The following ELAVL2 variants were observed in gnomAD, a reference collection of about 807,000 sequenced individuals.
ELAVL2 encodes ELAV-like protein 2.
In ELAVL2, 4 loss-of-function variants were observed where a neutral mutation model predicts 34.6. That is an observed-to-expected ratio of 0.12 (90% CI 0.06 to 0.26). The LOEUF (loss-of-function observed/expected upper bound fraction) is 0.26. ELAVL2 is among the 10% of genes least tolerant of loss of function. ELAVL2 has a pLI of 1.00. For missense variants in ELAVL2, 432 were observed against 442.8 expected, an observed-to-expected ratio of 0.98 and a Z score of 0.22; for synonymous variants, 193 against 154.8, an observed-to-expected ratio of 1.25 and a Z score of -1.83.
intron 1 of ELAVL2, among the ~76,000 whole-genome samples, chr9:23,763,278 T>G (rs1283310727): frequency 1.3e-5 from 2 of 152,066 alleles, no homozygotes; most frequent in Admixed American, 1.3e-4. Flanking sequence ...AATCACTTAT[T>G]AAGCAGTATT....
chr9:23,711,489 C>G (rs923403731), intron 3 of ELAVL2, among the ~76,000 whole-genome samples: 1 of 152,170 alleles, frequency 6.6e-6, no homozygotes, highest in African/African-American at 2.4e-5. Context: ...CTCTTCCATA[C>G]AAGTATACAA....
chr9:23,741,667 A>C (rs2049226072), intron 2 of ELAVL2, among the ~76,000 whole-genome samples: 2 of 152,094 alleles, frequency 1.3e-5, no homozygotes, highest in South Asian at 4.1e-4. Context: ...TAATTAGTCC[A>C]CCACCACTGA....
chr9:23,828,240 T>G (rs1009895172), upstream of ELAVL2, among the ~76,000 whole-genome samples: 1 of 152,214 alleles, frequency 6.6e-6, no homozygotes, highest in Non-Finnish European at 1.5e-5. Context: ...TAATACTGTT[T>G]GATTTCATCA....
chr9:23,766,271 A>C (rs1336136846), intron 1 of ELAVL2, among the ~76,000 whole-genome samples: 1 of 152,140 alleles, frequency 6.6e-6, no homozygotes, highest in African/African-American at 2.4e-5. Context: ...CACTGTAACA[A>C]GAGATTTTGG....
intron 1 of ELAVL2, among the ~76,000 whole-genome samples, chr9:23,810,082 T>C (rs573280288): frequency 3.9e-5 from 6 of 152,302 alleles, no homozygotes; most frequent in African/African-American, 1.2e-4. Context: ...ACAGATTATC[T>C]ACTACAATGA....
chr9:23,762,664 C>G (rs1001462597), intron 1 of ELAVL2, among the ~76,000 whole-genome samples: 1 of 151,988 alleles, frequency 6.6e-6, no homozygotes, highest in African/African-American at 2.4e-5. Context: ...AAATGACCTA[C>G]CTAACTCTGA....
At chr9:23,742,022 C>A (rs1453183535) in intron 2 of ELAVL2, among the ~76,000 whole-genome samples, 1 of 152,144 alleles carries the variant, frequency 6.6e-6, no homozygotes, top group Non-Finnish European at 1.5e-5. Flanking sequence ...TCCATACTTC[C>A]TTGGCATGAT....
At chr9:23,778,396 T>A (rs1300183759) in intron 1 of ELAVL2, among the ~76,000 whole-genome samples, 6 of 152,192 alleles carry the variant, frequency 3.9e-5, no homozygotes, top group Non-Finnish European at 8.8e-5. Flanking sequence ...AAAACAGTAG[T>A]GTTCAACATT....
chr9:23,786,782 A>G (rs73654373), intron 1 of ELAVL2, among the ~76,000 whole-genome samples: 4 of 38,478 alleles, frequency 1.0e-4, no homozygotes, highest in Middle Eastern at 0.01. Context: ...TTTTAGTGGC[A>G]AAAAAAAAAA....
At chr9:23,765,207 T>C in intron 1 of ELAVL2, 3 of 962,178 alleles carry the variant, frequency 3.1e-6, no homozygotes, top group East Asian at 2.7e-5. Flanking sequence ...AGCACGTCCA[T>C]GCAGTGTGGC....
the ELAVL2 span, among the ~76,000 whole-genome samples, chr9:23,848,315 C>T: frequency 1.3e-5 from 2 of 152,134 alleles, no homozygotes; most frequent in Non-Finnish European, 2.9e-5. Flanking sequence ...GAAATTCTTG[C>T]TAATACAAAG....
chr9:23,764,912 T>G lies in ELAVL2; in HGVS notation c.-15-2663A>C, dbSNP rs2055891658. 4.2e-6 allele frequency: 5 copies of G among 1,201,510 alleles called. No individual in the cohort carries two copies. In the African/African-American group the frequency reaches 4.6e-5, roughly 11 times the overall value. 74.4% of individuals were successfully genotyped at this position (1,201,510 alleles called of 1,614,324 possible). A position where few individuals can be genotyped will look rare whatever the true frequency, so the allele number is the denominator to read the frequency against. On this transcript the variant is annotated intron_variant, in intron 1 of 6. Transcript: ENST00000397312. ...AGGTTAAATGTAAGAATAATTAGTATGCCAAATGAAAGATTCAAGTGTTTG... is the reference window on the plus strand; with the variant it reads ...AGGTTAAATGTAAGAATAATTAGTAGGCCAAATGAAAGATTCAAGTGTTTG...
intron 1 of ELAVL2, among the ~76,000 whole-genome samples, chr9:23,804,181 A>ATTTT (rs34753432): frequency 3.4e-5 from 5 of 147,206 alleles, no homozygotes; most frequent in Non-Finnish European, 7.5e-5. Flanking sequence ...TTATTTATTT[A>ATTTT]TTTTTTTTTT....
chr9:23,806,767 T>C (rs2062279604), intron 1 of ELAVL2, among the ~76,000 whole-genome samples: 1 of 152,110 alleles, frequency 6.6e-6, no homozygotes, highest in Non-Finnish European at 1.5e-5. Flanking sequence ...TAAAAAGCTA[T>C]TAAGGAGAGA....
chr9:23,781,802 T>C (rs2059103829), intron 1 of ELAVL2, among the ~76,000 whole-genome samples: 2 of 152,102 alleles, frequency 1.3e-5, no homozygotes, highest in African/African-American at 4.8e-5. Context: ...CACACCATTC[T>C]CCTGCCTCAG....
chr9:23,693,405 A>G, intron 6 of ELAVL2, 43 bp downstream of exon 6: 1 of 1,611,758 alleles, frequency 6.2e-7, no homozygotes, highest in Non-Finnish European at 8.5e-7. Context: ...AAACCAATCA[A>G]CTGTGGAAAG....
At chr9:23,754,968 C>T (rs753022126) in intron 2 of ELAVL2, among the ~76,000 whole-genome samples, 2 of 152,042 alleles carry the variant, frequency 1.3e-5, no homozygotes, top group African/African-American at 4.8e-5. Context: ...CTGTATAAAC[C>T]AACCTTGTTA....
intron 3 of ELAVL2, among the ~76,000 whole-genome samples, chr9:23,724,688 G>C (rs753526276): frequency 6.6e-6 from 1 of 152,162 alleles, no homozygotes; most frequent in Non-Finnish European, 1.5e-5. Flanking sequence ...ATGTATTGAA[G>C]AGGTGCTGAT....
chr9:23,709,592 C>T (rs1029168353), intron 3 of ELAVL2, among the ~76,000 whole-genome samples: 12 of 152,226 alleles, frequency 7.9e-5, no homozygotes, highest in Admixed American at 3.9e-4. Flanking sequence ...CAAAAGAGTT[C>T]GCTTTAAATG....
Sources: gnomAD v4.1 joint callset for allele counts (sites outside exome capture counted in the v4.1 genomes callset) on GRCh38, gnomAD v4.1.1 for gene constraint, MANE v1.5 for transcripts, NCBI Gene and HGNC (gene_info 2026-07-23, HGNC 2026-07-21) for gene names.